The following CRACD variants were observed in gnomAD, a reference collection of about 807,000 sequenced individuals.
CRACD encodes the protein capping protein-inhibiting regulator of actin dynamics.
Under a neutral mutation model 106.8 loss-of-function variants are expected in CRACD, and 56 were observed. The ratio of observed to expected loss-of-function variants is 0.52; its 90% CI spans 0.42 to 0.66. The LOEUF (loss-of-function observed/expected upper bound fraction) is 0.66. CRACD is among the 30% of genes least tolerant of loss of function. The pLI, the probability that CRACD is intolerant of heterozygous loss-of-function variation, is 0.00. For synonymous variants in CRACD, 754 were observed against 670.8 expected, an observed-to-expected ratio of 1.12 and a Z score of -1.92; for missense variants, 1,730 against 1,623.2, an observed-to-expected ratio of 1.07 and a Z score of -1.13.
At chr4:56,110,666 G>C (rs1057119750) in intron 1 of CRACD, among the ~76,000 whole-genome samples, 8 of 151,936 alleles carry the variant, frequency 5.3e-5, no homozygotes, top group African/African-American at 1.9e-4. Flanking sequence ...GTGCAATCTT[G>C]GCTCACTGGT....
chr4:56,270,415 G>A lies in CRACD; in HGVS notation c.-188-1906G>A, dbSNP rs150934073. ...CAGAATTGAAGATCACAGAGGAAAT[G>A]AGACGTCTGGCTTGTTTCCTCACTG... On this transcript the variant is annotated intron_variant, in intron 2 of 10. Coordinates refer to ENST00000682029, the MANE Select transcript of CRACD (RefSeq NM_001393381.1). Among the ~76,000 whole-genome samples, 836 of 152,204 alleles carry A rather than the reference G, an allele frequency of 5.5e-3. 12 individuals are homozygous for A. The highest frequency in any genetic ancestry group is 0.019 in the African/African-American group (793 of 41,550).
intron 2 of CRACD, among the ~76,000 whole-genome samples, chr4:56,183,229 G>A (rs1026896626): frequency 2.6e-4 from 11 of 41,656 alleles, no homozygotes; most frequent in Non-Finnish European, 3.8e-4. Context: ...GTGAAACTCC[G>A]TCTCAAAAAA....
intron 2 of CRACD, among the ~76,000 whole-genome samples, chr4:56,228,280 C>T (rs1197751872): frequency 6.6e-6 from 1 of 152,044 alleles, no homozygotes; most frequent in South Asian, 2.1e-4. Context: ...TTATAACACT[C>T]TTTATGAGAA....
chr4:56,078,601 A>G (rs1732919941), intron 1 of CRACD, among the ~76,000 whole-genome samples: 2 of 152,106 alleles, frequency 1.3e-5, no homozygotes, highest in Non-Finnish European at 2.9e-5. Flanking sequence ...TTTTTAGTAG[A>G]GATGGGGTCT....
chr4:56,097,406 C>G (rs1383332489), intron 1 of CRACD: 1 of 152,830 alleles, frequency 6.5e-6, no homozygotes, highest in Non-Finnish European at 1.5e-5. Flanking sequence ...GGCCATACCA[C>G]CGTGAATGCG....
At chr4:56,318,049 A>G (rs1005510930) in intron 8 of CRACD, among the ~76,000 whole-genome samples, 1 of 152,088 alleles carries the variant, frequency 6.6e-6, no homozygotes, top group Non-Finnish European at 1.5e-5. Context: ...CCTTTGTTCA[A>G]GTATTTAGAT....
intron 1 of CRACD, among the ~76,000 whole-genome samples, chr4:56,108,413 A>G (rs1257755350): frequency 6.6e-6 from 1 of 152,198 alleles, no homozygotes; most frequent in African/African-American, 2.4e-5. Flanking sequence ...ATAAAATACA[A>G]TGATTGACTA....
intron 1 of CRACD, among the ~76,000 whole-genome samples, chr4:56,142,303 A>G (rs1335581889): frequency 1.3e-5 from 2 of 152,172 alleles, no homozygotes; most frequent in Non-Finnish European, 2.9e-5. Context: ...TGGTTATGCC[A>G]TAATTTAATT....
chr4:56,173,345 A>G (rs527636250), intron 1 of CRACD, among the ~76,000 whole-genome samples: 1 of 152,220 alleles, frequency 6.6e-6, no homozygotes, highest in East Asian at 1.9e-4. Flanking sequence ...TTGAATTACA[A>G]ATTGTTAACA....
intron 1 of CRACD, among the ~76,000 whole-genome samples, chr4:56,104,611 G>T (rs914583285): frequency 6.6e-6 from 1 of 152,190 alleles, no homozygotes; most frequent in East Asian, 1.9e-4. Flanking sequence ...CGTTCCCAGT[G>T]GGTTGTGCTC....
At chr4:56,232,313 C>T (rs1464149351) in intron 2 of CRACD, among the ~76,000 whole-genome samples, 2 of 152,186 alleles carry the variant, frequency 1.3e-5, no homozygotes, top group Non-Finnish European at 2.9e-5. Context: ...AATGCTCTAA[C>T]ATTCCTTTTT....
At chr4:56,151,560 G>C (rs1479009) in intron 1 of CRACD, among the ~76,000 whole-genome samples, 124,313 of 152,064 alleles carry the variant, frequency 0.82, 51,446 homozygotes, top group African/African-American at 0.95. Flanking sequence ...CATTCATAAT[G>C]CAGCCAACAA....
rs1164099326 is a variant in CRACD at position 56,071,214 on chromosome 4, A to G, written c.-336+21915A>G. 3.3e-5 allele frequency among the ~76,000 whole-genome samples: 5 copies of G among 152,330 alleles called. No homozygotes were observed. In the East Asian group the frequency reaches 5.8e-4, roughly 18 times the overall value. On this transcript the variant is annotated intron_variant, in intron 1 of 10. Transcript: ENST00000682029. ...GTTTTTGCCCTAGGATAAACTTAAG[A>G]TAACACAGGAAGAGGGCAAATTGAG...
intron 1 of CRACD, among the ~76,000 whole-genome samples, chr4:56,096,118 G>A (rs973238361): frequency 2.6e-5 from 4 of 152,116 alleles, no homozygotes; most frequent in Non-Finnish European, 4.4e-5. Flanking sequence ...GACATAGTAG[G>A]TATTTAAGTA....
intron 4 of CRACD, among the ~76,000 whole-genome samples, chr4:56,303,178 C>G (rs10017582): frequency 0.12 from 18,470 of 152,096 alleles, 1,471 homozygotes; most frequent in African/African-American, 0.22. Flanking sequence ...AACCCCATCT[C>G]TACTAAAAAT....
Position 56,272,453 on chromosome 4 carries a change from C to A in CRACD, c.-56C>A, listed in dbSNP as rs941951776. The A allele has an allele frequency of 2.0e-5, 3 of 152,650 alleles. No individual in the cohort carries two copies. Among genetic ancestry groups the A allele is most frequent in the Admixed American group, 6.5e-5 (1 of 15,276 alleles). 9.5% of individuals were successfully genotyped at this position (152,650 alleles called of 1,614,324 possible). Reference sequence around the variant, plus strand: ...TCTCACCAGAGTGTCAGCAATGGGACCTTCTCTTCGGATGAGGAGACCCTG... The same window carrying A: ...TCTCACCAGAGTGTCAGCAATGGGAACTTCTCTTCGGATGAGGAGACCCTG... On this transcript the variant is annotated 5_prime_UTR_variant, in exon 3 of 11. Coordinates refer to ENST00000682029, the MANE Select transcript of CRACD (RefSeq NM_001393381.1).
At chr4:56,146,470 C>T (rs951657296) in intron 1 of CRACD, among the ~76,000 whole-genome samples, 1 of 150,694 alleles carries the variant, frequency 6.6e-6, no homozygotes, top group African/African-American at 2.4e-5. Flanking sequence ...GCACAATGTG[C>T]AGGTTAGTTA....
At chr4:56,106,967 A>G (rs1345929302) in intron 1 of CRACD, among the ~76,000 whole-genome samples, 3 of 152,066 alleles carry the variant, frequency 2.0e-5, no homozygotes, top group Non-Finnish European at 4.4e-5. Context: ...AGTGAACATA[A>G]TATTTATTTA....
intron 2 of CRACD, among the ~76,000 whole-genome samples, chr4:56,212,192 T>C (rs1031672078): frequency 6.6e-6 from 1 of 152,194 alleles, no homozygotes; most frequent in African/African-American, 2.4e-5. Flanking sequence ...TTATAATACA[T>C]TAGTATGCCA....
Sources: allele counts gnomAD v4.1 joint callset (sites outside exome capture counted in the v4.1 genomes callset), GRCh38; gene constraint gnomAD v4.1.1; transcripts MANE v1.5; gene names NCBI Gene and HGNC (gene_info 2026-07-23, HGNC 2026-07-21).